The following IARS1 variants were observed in gnomAD, a reference collection of about 807,000 sequenced individuals.
The protein encoded by IARS1 is isoleucine--tRNA ligase, cytoplasmic.
A neutral mutation model predicts 168.2 loss-of-function variants in IARS1; 124 were observed. The observed-to-expected ratio is 0.74, with a 90% CI of 0.64 to 0.86. IARS1 has a LOEUF of 0.86. Among genes scored for constraint, IARS1 ranks in the 40% least tolerant of loss-of-function variants. The pLI is 0.00. For synonymous variants in IARS1, 532 were observed against 529.4 expected (o/e 1.00, Z -0.07); for missense variants, 1,452 against 1,515.8 (o/e 0.96, Z 0.70).
At chr9:92,243,417 A>G (rs1828737831) in intron 27 of IARS1, 106 bp from the exon 28 acceptor site, 1 of 679,156 alleles carries the variant, frequency 1.5e-6, no homozygotes, top group Admixed American at 2.7e-5. Context: ...ATGCAGCACT[A>G]TTTTTTCACA....
chr9:92,289,487 T>C, intron 1 of IARS1, 61 bp from the exon 2 acceptor site: 8 of 778,642 alleles, frequency 1.0e-5, no homozygotes, highest in Middle Eastern at 2.3e-4. Context: ...CAGAGTACCA[T>C]ATTATTAACA....
At chr9:92,261,439 G>A (rs1340553767) in intron 17 of IARS1, among the ~76,000 whole-genome samples, 2 of 152,228 alleles carry the variant, frequency 1.3e-5, no homozygotes, top group Non-Finnish European at 2.9e-5. Flanking sequence ...GGGGATGACA[G>A]TGGGAAGGCA....
chr9:92,215,681 G>A, intron 33 of IARS1, among the ~76,000 whole-genome samples: 1 of 152,024 alleles, frequency 6.6e-6, no homozygotes, highest in East Asian at 1.9e-4. Context: ...AGCGATGGAA[G>A]ATGAAATGAA....
intron 9 of IARS1, among the ~76,000 whole-genome samples, chr9:92,275,639 A>T (rs909264668): frequency 2.0e-5 from 3 of 152,224 alleles, no homozygotes; most frequent in African/African-American, 7.2e-5. Context: ...GTATAGACAA[A>T]GTCACTGCAT....
rs754116294 is a variant in IARS1, at chr9:92,265,064, T to C, written c.1565A>G (p.Glu522Gly). The change falls in exon 16 of 34, where the codon GAA (glutamate) becomes GGA (glycine). Residue 522 changes from glutamate to glycine, a missense_variant. Coordinates refer to ENST00000443024, the MANE Select transcript of IARS1 (RefSeq NM_002161.6). ...ACTCTCAAACCAACAGTCAAACACT[T>C]CAGAGATGCGGTGCAAGGATCCCTT... ...CGKGSLHRIS[E>G]VFDCWFESGS... is the part of the protein sequence containing the mutation. 1 of 1,614,086 alleles carries C rather than the reference T, an allele frequency of 6.2e-7. No individual in the cohort carries two copies. Among genetic ancestry groups the C allele is most frequent in the Admixed American group, 1.7e-5 (1 of 59,990 alleles).
At chr9:92,219,027 C>T (rs1244277602) in intron 33 of IARS1, among the ~76,000 whole-genome samples, 1 of 152,140 alleles carries the variant, frequency 6.6e-6, no homozygotes, top group Admixed American at 6.5e-5. Context: ...AACTATACTA[C>T]AAGGCTACAG....
chr9:92,211,014 T>C, intron 33 of IARS1, 125 bp from the exon 34 acceptor site: 2 of 646,660 alleles, frequency 3.1e-6, no homozygotes, highest in Non-Finnish European at 5.6e-6. Context: ...CTGCCTTTTG[T>C]CCCAGCTCCT....
chr9:92,265,068 A>C lies in IARS1; in HGVS notation c.1561T>G (p.Ser521Ala). 6.2e-7 allele frequency: 1 copy of C among 1,614,198 alleles called. No homozygotes were observed. Among genetic ancestry groups the C allele is most frequent in the East Asian group, 2.2e-5 (1 of 44,884 alleles). ...TCAAACCAACAGTCAAACACTTCAGAGATGCGGTGCAAGGATCCCTTCCCA... is the reference window on the plus strand; with the variant it reads ...TCAAACCAACAGTCAAACACTTCAGCGATGCGGTGCAAGGATCCCTTCCCA... ...RCGKGSLHRISEVFDCWFESG... is the reference protein window; with the variant it reads ...RCGKGSLHRIAEVFDCWFESG... The change falls in exon 16 of 34, where the codon TCT becomes GCT. Residue 521 changes from serine (S) to alanine (A), a missense_variant. Coordinates refer to ENST00000443024, the MANE Select transcript of IARS1 (RefSeq NM_002161.6).
chr9:92,229,388 C>CACACACA (rs547012999), intron 30 of IARS1, among the ~76,000 whole-genome samples: 15 of 150,572 alleles, frequency 1.0e-4, no homozygotes, highest in African/African-American at 3.7e-4. Context: ...CACACACACA[C>CACACACA]ATCTCCATCC....
rs767192390 is a variant in IARS1, at chr9:92,249,954, G to C, written c.2533-13C>G. The C allele has an allele frequency of 1.5e-5, 23 of 1,515,176 alleles. No individual in the cohort carries two copies. Among genetic ancestry groups the C allele is most frequent in the Non-Finnish European group, 2.0e-5 (22 of 1,093,356 alleles). The allele number at this position is 1,515,176 out of a possible 1,614,324, so 93.9% of individuals were successfully genotyped here. A position where few individuals can be genotyped will look rare whatever the true frequency, so the allele number is the denominator to read the frequency against. ...CTTTCAAAGGATACTAGGAGGAAAA[G>C]GGAGGGGAAAGTTCACTCAGCAGCC... is the stretch of plus-strand genomic sequence containing the variant. On this transcript the variant is annotated splice_polypyrimidine_tract_variant and intron_variant, in intron 24 of 33. Transcript: ENST00000443024.
chr9:92,242,420 C>G, intron 28 of IARS1, 90 bp from the exon 29 acceptor site: 2 of 1,029,020 alleles, frequency 1.9e-6, no homozygotes, highest in Non-Finnish European at 2.8e-6. Context: ...GCTACAGATC[C>G]CATGCTGAAT....
rs932946124 is a variant in IARS1 at position 92,251,027 on chromosome 9, A to G, written c.2308-193T>C. ...CTGAAGCATAGCTGCAGGACTGTAG[A>G]TAGAAAAACCCAAAGCACCTCTAGA... On this transcript the variant is annotated intron_variant, in intron 22 of 33. Transcript: ENST00000443024. 2.2e-5 allele frequency: 14 copies of G among 643,980 alleles called. No individual in the cohort carries two copies. In the South Asian group the frequency reaches 2.2e-4, roughly 10 times the overall value. The allele number at this position is 643,980 out of a possible 1,614,324, so 39.9% of individuals were successfully genotyped here. A position where few individuals can be genotyped will look rare whatever the true frequency, so the allele number is the denominator to read the frequency against.
At chr9:92,222,908 G>A (rs1333550130) in intron 32 of IARS1, among the ~76,000 whole-genome samples, 2 of 152,066 alleles carry the variant, frequency 1.3e-5, no homozygotes, top group Non-Finnish European at 2.9e-5. Context: ...CAGCAGCTTG[G>A]GGAGCAGATA....
Position 92,217,877 on chromosome 9 carries a change from C to T in IARS1, c.3706+4643G>A, listed in dbSNP as rs1254435857. Among the ~76,000 whole-genome samples the T allele has an allele frequency of 2.0e-5, 3 of 152,024 alleles. No homozygotes were observed. In the East Asian group the frequency reaches 5.8e-4, roughly 29 times the overall value. On this transcript the variant is annotated intron_variant, in intron 33 of 33. Transcript: ENST00000443024. ...GGAACTGGTACCATTCCTTCTGAAA[C>T]TATTCCAATCAACAGAAAAAGAGGG...
chr9:92,263,627 A>G (rs1344813284), intron 16 of IARS1, among the ~76,000 whole-genome samples: 7 of 152,220 alleles, frequency 4.6e-5, no homozygotes, highest in African/African-American at 1.7e-4. Context: ...ATCAAGGGAC[A>G]TGAGCTGAGG....
intron 33 of IARS1, among the ~76,000 whole-genome samples, chr9:92,218,672 T>C (rs1337711192): frequency 0.014 from 1,112 of 77,376 alleles, no homozygotes; most frequent in African/African-American, 0.041. Flanking sequence ...CCATTCACAA[T>C]TGCTTCAAAG....
In IARS1 at chr9:92,210,368, A is replaced by G. The variant is rs953335021; in HGVS notation, c.*439T>C. On this transcript the variant is annotated 3_prime_UTR_variant, in exon 34 of 34. Transcript: ENST00000443024. ...ATATCTGAGTTTGTTTATTGTTCTG[A>G]TTTACTGAAACTTAAAATATTCCAT... The G allele has an allele frequency of 6.5e-6, 1 of 153,702 alleles. No individual in the cohort carries two copies. The highest frequency in any genetic ancestry group is 6.5e-5 in the Admixed American group (1 of 15,418). The allele number at this position is 153,702 out of a possible 1,614,324, so 9.5% of individuals were successfully genotyped here.
intron 31 of IARS1, among the ~76,000 whole-genome samples, chr9:92,228,541 C>T (rs1826121343): frequency 6.7e-6 from 1 of 149,724 alleles, no homozygotes; most frequent in African/African-American, 2.5e-5. Context: ...CTGACTTGGT[C>T]TCTCCAAAAA....
intron 19 of IARS1, among the ~76,000 whole-genome samples, chr9:92,257,258 A>C (rs988593845): frequency 1.3e-5 from 2 of 152,172 alleles, no homozygotes; most frequent in African/African-American, 4.8e-5. Flanking sequence ...GCTTTGCAAA[A>C]TCCTCCTTGA....
Sources: allele counts gnomAD v4.1 joint callset (sites outside exome capture counted in the v4.1 genomes callset), GRCh38; gene constraint gnomAD v4.1.1; transcripts MANE v1.5; gene names NCBI Gene and HGNC (gene_info 2026-07-23, HGNC 2026-07-21).